Variants in SLIT3 observed in about 807,000 individuals in gnomAD.
SLIT3 encodes slit homolog 3 protein.
SLIT3 carries 68 observed loss-of-function variants against 184.0 expected under a neutral mutation model. That is an observed-to-expected ratio of 0.37 (90% CI 0.30 to 0.45). The LOEUF (loss-of-function observed/expected upper bound fraction) is 0.45, where lower values mean the gene tolerates loss of function less well. SLIT3 is among the 20% of genes least tolerant of loss of function. SLIT3 has a pLI of 1.00. For synonymous variants in SLIT3, 831 were observed against 828.6 expected (o/e 1.00, Z -0.05); for missense variants, 1,707 against 2,026.0 (o/e 0.84, Z 3.02).
chr5:168,846,275 AT>A (rs1758462825), intron 5 of SLIT3, among the ~76,000 whole-genome samples: 1 of 152,162 alleles, frequency 6.6e-6, no homozygotes. Flanking sequence ...GCAGAAGCAC[AT>A]TTTCAGTTGG....
At chr5:169,028,229 G>T (rs1293047602) in intron 4 of SLIT3, among the ~76,000 whole-genome samples, 2 of 144,878 alleles carry the variant, frequency 1.4e-5, no homozygotes, top group Non-Finnish European at 1.5e-5. Flanking sequence ...CCAAATGTTT[G>T]GTTATTAGTG....
intron 4 of SLIT3, among the ~76,000 whole-genome samples, chr5:169,087,754 A>G (rs1759369411): frequency 6.6e-6 from 1 of 152,252 alleles, no homozygotes; most frequent in South Asian, 2.1e-4. Flanking sequence ...ATCAAAAATT[A>G]AAAGGAAATA....
chr5:168,959,861 G>A (rs1304081083), intron 4 of SLIT3, among the ~76,000 whole-genome samples: 1 of 152,130 alleles, frequency 6.6e-6, no homozygotes, highest in African/African-American at 2.4e-5. Context: ...AGTTCTCACA[G>A]GGTGCCAGGC....
rs186309873 is a variant in SLIT3 at position 168,859,428 on chromosome 5, A to G, written c.486-14773T>C. 6.6e-5 allele frequency among the ~76,000 whole-genome samples: 10 copies of G among 152,330 alleles called. No homozygotes were observed. In the East Asian group the frequency reaches 1.9e-3, roughly 29 times the overall value. ...AGATAAAAGCCCCTTTGACAACCAT[A>G]AATGCAAGCTACAGGAAATTTTCAA... On this transcript the variant is annotated intron_variant, in intron 5 of 35. Coordinates refer to ENST00000519560, the MANE Select transcript of SLIT3 (RefSeq NM_003062.4).
At chr5:169,157,694 C>G (rs535851439) in intron 4 of SLIT3, among the ~76,000 whole-genome samples, 1 of 152,196 alleles carries the variant, frequency 6.6e-6, no homozygotes, top group Admixed American at 6.5e-5. Flanking sequence ...AAAAAACCAA[C>G]TTATATGAGA....
At chr5:169,052,548 A>G (rs1015490909) in intron 4 of SLIT3, among the ~76,000 whole-genome samples, 2 of 152,196 alleles carry the variant, frequency 1.3e-5, no homozygotes, top group East Asian at 3.9e-4. Context: ...GAGGCCACGT[A>G]AGACTTCCCA....
intron 5 of SLIT3, among the ~76,000 whole-genome samples, chr5:168,862,640 C>T (rs1357478937): frequency 1.3e-5 from 2 of 151,800 alleles, no homozygotes; most frequent in African/African-American, 4.9e-5. Flanking sequence ...CTAGAGATCA[C>T]TCAATAGAAC....
chr5:168,900,172 T>C (rs1760815712), intron 4 of SLIT3, among the ~76,000 whole-genome samples: 1 of 152,224 alleles, frequency 6.6e-6, no homozygotes, highest in African/African-American at 2.4e-5. Context: ...AAGGGAGCAC[T>C]TATACGTGGT....
At position 168,705,287 on chromosome 5, in the gene SLIT3, C is replaced by A. The variant is rs1762342036; in HGVS notation, c.2844+2689G>T. ...CCTTACCTACCATGCTCAGTTTCTT[C>A]AACTGTAAAATGAGGGTCATTTTAG... On this transcript the variant is annotated intron_variant, in intron 26 of 35. Transcript: ENST00000519560. Among the ~76,000 whole-genome samples the A allele has an allele frequency of 2.0e-5, 3 of 152,144 alleles. No individual in the cohort carries two copies. In the South Asian group the frequency reaches 6.2e-4, roughly 32 times the overall value.
intron 4 of SLIT3, among the ~76,000 whole-genome samples, chr5:169,059,373 C>T (rs970297077): frequency 6.6e-6 from 1 of 152,232 alleles, no homozygotes; most frequent in African/African-American, 2.4e-5. Flanking sequence ...CAGGCACTGT[C>T]CCAGGCTCTT....
chr5:169,001,646 TTTTG>T (rs1427841885), intron 4 of SLIT3, among the ~76,000 whole-genome samples: 1 of 152,196 alleles, frequency 6.6e-6, no homozygotes, highest in Non-Finnish European at 1.5e-5. Flanking sequence ...CAATTCTTGG[TTTTG>T]ATAACCTAAG....
At chr5:168,762,497 G>A (rs574089110) in intron 15 of SLIT3, 42 bp downstream of exon 15, 120 of 1,594,196 alleles carry the variant, frequency 7.5e-5, no homozygotes, top group Middle Eastern at 1.7e-4. Flanking sequence ...GGTGACTGGC[G>A]TGTGGGGAGG....
intron 4 of SLIT3, among the ~76,000 whole-genome samples, chr5:169,174,235 C>T (rs1762900126): frequency 6.6e-6 from 1 of 152,170 alleles, no homozygotes; most frequent in African/African-American, 2.4e-5. Context: ...GTTCATTTTC[C>T]CTTATCCTGC....
chr5:168,779,879 A>G (rs1019070331), intron 12 of SLIT3, among the ~76,000 whole-genome samples: 4 of 152,216 alleles, frequency 2.6e-5, no homozygotes, highest in African/African-American at 7.2e-5. Context: ...AACCAGGTCC[A>G]TTATGATCCA....
At chr5:168,739,682 C>T (rs1337162150) in intron 20 of SLIT3, among the ~76,000 whole-genome samples, 1 of 152,066 alleles carries the variant, frequency 6.6e-6, no homozygotes, top group Non-Finnish European at 1.5e-5. Flanking sequence ...TCGACCTCAG[C>T]TGATCCACCC....
intron 1 of SLIT3, among the ~76,000 whole-genome samples, chr5:169,299,795 C>T (rs1355033172): frequency 6.6e-6 from 1 of 152,190 alleles, no homozygotes; most frequent in Non-Finnish European, 1.5e-5. Flanking sequence ...AGGCTGAGTG[C>T]GGTTTGTAAG....
At chr5:169,283,988 G>A (rs1019906710) in intron 1 of SLIT3, among the ~76,000 whole-genome samples, 9 of 152,148 alleles carry the variant, frequency 5.9e-5, no homozygotes, top group African/African-American at 7.2e-5. Flanking sequence ...GGAACTACCC[G>A]GGAAAGTGAA....
chr5:168,838,403 A>C (rs1226305501), intron 6 of SLIT3, among the ~76,000 whole-genome samples: 1 of 152,180 alleles, frequency 6.6e-6, no homozygotes, highest in Non-Finnish European at 1.5e-5. Context: ...GATGCTCAAA[A>C]ATAGAAGTAG....
intron 9 of SLIT3, among the ~76,000 whole-genome samples, chr5:168,805,764 C>T (rs1368010786): frequency 6.6e-6 from 1 of 152,212 alleles, no homozygotes; most frequent in East Asian, 1.9e-4. Context: ...CAGTCCCCCT[C>T]TCAGATAATG....
Sources: allele counts gnomAD v4.1 joint callset (sites outside exome capture counted in the v4.1 genomes callset), GRCh38; gene constraint gnomAD v4.1.1; transcripts MANE v1.5; gene names NCBI Gene and HGNC (gene_info 2026-07-23, HGNC 2026-07-21).